Variants in NKAIN3 observed in about 807,000 individuals in gnomAD.
The protein encoded by NKAIN3 is sodium/potassium-transporting ATPase subunit beta-1-interacting protein 3.
In NKAIN3, 25 loss-of-function variants were observed where a neutral mutation model predicts 30.2. That is an observed-to-expected ratio of 0.83 (90% CI 0.60 to 1.16). The LOEUF is 1.16. Ranked by LOEUF, NKAIN3 falls within the 50% of genes most tolerant of loss-of-function variation. The pLI is 0.00. For missense variants in NKAIN3, 225 were observed against 254.1 expected, an observed-to-expected ratio of 0.89 and a Z score of 0.78; for synonymous variants, 91 against 89.6, an observed-to-expected ratio of 1.02 and a Z score of -0.09.
intron 4 of NKAIN3, among the ~76,000 whole-genome samples, chr8:62,812,239 A>G (rs1394603762): frequency 6.6e-6 from 1 of 151,928 alleles, no homozygotes; most frequent in Non-Finnish European, 1.5e-5. Flanking sequence ...AACTACAACT[A>G]TACAGTAAAT....
At position 62,977,034 on chromosome 8, in the gene NKAIN3, G is replaced by T. The variant is rs912034134; in HGVS notation, c.*11627G>T. 1.3e-5 allele frequency among the ~76,000 whole-genome samples: 2 copies of T among 152,166 alleles called. No individual in the cohort carries two copies. The highest frequency in any genetic ancestry group is 4.8e-5 in the African/African-American group (2 of 41,428). On this transcript the variant is annotated 3_prime_UTR_variant, in exon 7 of 7. Coordinates refer to ENST00000623646, the MANE Select transcript of NKAIN3 (RefSeq NM_001304533.3). ...CCCCCAATCTCTTGTGGCTTTTAGG[G>T]TTTCTGCAGAGAGATCTGCTGTTAG... is the stretch of plus-strand genomic sequence containing the variant.
intron 1 of NKAIN3, among the ~76,000 whole-genome samples, chr8:62,474,976 C>T (rs1806468202): frequency 6.6e-6 from 1 of 152,062 alleles, no homozygotes; most frequent in African/African-American, 2.4e-5. Flanking sequence ...GTTAAGCATA[C>T]ATATTGTAAT....
At chr8:62,756,777 C>A (rs1816464418) in intron 4 of NKAIN3, among the ~76,000 whole-genome samples, 1 of 152,146 alleles carries the variant, frequency 6.6e-6, no homozygotes, top group African/African-American at 2.4e-5. Context: ...ATAACACTCT[C>A]CATAACAGTA....
intron 3 of NKAIN3, among the ~76,000 whole-genome samples, chr8:62,743,555 T>C (rs553680881): frequency 1.4e-4 from 21 of 152,326 alleles, no homozygotes; most frequent in African/African-American, 4.1e-4. Context: ...TATGTTTTGA[T>C]TTGATGTAGA....
At chr8:62,524,140 T>A (rs1190636234) in intron 1 of NKAIN3, among the ~76,000 whole-genome samples, 1 of 151,720 alleles carries the variant, frequency 6.6e-6, no homozygotes, top group Admixed American at 6.6e-5. Context: ...TACTCTAGAA[T>A]CCTGGTCATG....
chr8:62,995,774 T>G (rs1424677876), intron 5 of NKAIN3, among the ~76,000 whole-genome samples: 5 of 152,242 alleles, frequency 3.3e-5, no homozygotes, highest in Non-Finnish European at 5.9e-5. Context: ...ATATAAAATT[T>G]GTATTCAACT....
chr8:62,901,327 G>A (rs538214942), intron 4 of NKAIN3, among the ~76,000 whole-genome samples: 1 of 152,316 alleles, frequency 6.6e-6, no homozygotes, highest in Non-Finnish European at 1.5e-5. Context: ...ACTGGGAGCA[G>A]TGGTGTGGGC....
intron 3 of NKAIN3, among the ~76,000 whole-genome samples, chr8:62,676,880 A>G (rs182798357): frequency 6.6e-6 from 1 of 151,136 alleles, no homozygotes; most frequent in East Asian, 2.0e-4. Flanking sequence ...TGCCAAGCTA[A>G]TTTTTTTTTA....
At chr8:62,737,761 T>C (rs193268515) in intron 3 of NKAIN3, among the ~76,000 whole-genome samples, 1 of 152,324 alleles carries the variant, frequency 6.6e-6, no homozygotes, top group East Asian at 1.9e-4. Flanking sequence ...GAGAAATCTA[T>C]GGTGTTGGCT....
chr8:62,624,565 C>T (rs1811734299), intron 3 of NKAIN3, among the ~76,000 whole-genome samples: 1 of 150,674 alleles, frequency 6.6e-6, no homozygotes, highest in Non-Finnish European at 1.5e-5. Context: ...ATGATATAAC[C>T]AGTTGTAGGT....
At chr8:62,540,498 C>T (rs1467433736) in intron 1 of NKAIN3, among the ~76,000 whole-genome samples, 4 of 152,088 alleles carry the variant, frequency 2.6e-5, no homozygotes, top group African/African-American at 4.8e-5. Flanking sequence ...TATTTGTTTT[C>T]TACCTTTTTG....
At chr8:62,345,426 T>C (rs369148210) in intron 1 of NKAIN3, among the ~76,000 whole-genome samples, 14 of 101,778 alleles carry the variant, frequency 1.4e-4, no homozygotes, top group African/African-American at 4.4e-4. Context: ...TACACATATA[T>C]ACACATATAT....
chr8:62,889,728 G>A (rs781138635), intron 4 of NKAIN3, among the ~76,000 whole-genome samples: 16 of 152,180 alleles, frequency 1.1e-4, no homozygotes, highest in Admixed American at 6.5e-5. Flanking sequence ...AGAAGATCGA[G>A]GTGATCTCAG....
At chr8:62,636,491 A>G (rs764237512) in intron 3 of NKAIN3, among the ~76,000 whole-genome samples, 2 of 152,198 alleles carry the variant, frequency 1.3e-5, no homozygotes, top group African/African-American at 4.8e-5. Context: ...TGTACTTTCA[A>G]AAGATGAAAT....
chr8:62,386,932 AGAG>A (rs750405522), intron 1 of NKAIN3, among the ~76,000 whole-genome samples: 13 of 152,038 alleles, frequency 8.6e-5, no homozygotes, highest in Non-Finnish European at 1.8e-4. Flanking sequence ...AGAGAGAGAG[AGAG>A]AGAGAGAAAG....
chr8:62,689,356 G>T (rs979249094), intron 3 of NKAIN3, among the ~76,000 whole-genome samples: 3 of 151,970 alleles, frequency 2.0e-5, no homozygotes, highest in African/African-American at 7.3e-5. Context: ...CCCTCCTTCT[G>T]CACACTTCAG....
intron 1 of NKAIN3, among the ~76,000 whole-genome samples, chr8:62,324,301 G>T (rs950921255): frequency 1.3e-5 from 2 of 151,944 alleles, no homozygotes; most frequent in South Asian, 2.1e-4. Flanking sequence ...GAAAAAGAAA[G>T]AACATAAATC....
intron 4 of NKAIN3, among the ~76,000 whole-genome samples, chr8:62,793,509 T>C (rs995127190): frequency 1.3e-5 from 2 of 152,162 alleles, no homozygotes; most frequent in Non-Finnish European, 2.9e-5. Context: ...TTTTTTTTAC[T>C]AGGCTGTGGG....
At chr8:62,383,532 A>G (rs1407348909) in intron 1 of NKAIN3, 1 of 455,352 alleles carries the variant, frequency 2.2e-6, no homozygotes, top group African/African-American at 2.0e-5. Flanking sequence ...CTCAATGATT[A>G]TCTTAATGGC....
Sources: gnomAD v4.1 joint callset for allele counts (sites outside exome capture counted in the v4.1 genomes callset) on GRCh38, gnomAD v4.1.1 for gene constraint, MANE v1.5 for transcripts, NCBI Gene and HGNC (gene_info 2026-07-23, HGNC 2026-07-21) for gene names.